The following TRAPPC9 variants were observed in gnomAD, a reference collection of about 807,000 sequenced individuals.
TRAPPC9 encodes IKK2 binding protein.
Under a neutral mutation model 124.0 loss-of-function variants are expected in TRAPPC9, and 83 were observed. The observed-to-expected ratio is 0.67, with a 90% CI of 0.56 to 0.80. The LOEUF is 0.80. Ranked by LOEUF, TRAPPC9 falls within the 30% of genes least tolerant of loss-of-function variation. TRAPPC9 has a pLI of 0.00. For synonymous variants in TRAPPC9, 638 were observed against 617.5 expected, an observed-to-expected ratio of 1.03 and a Z score of -0.49; for missense variants, 1,302 against 1,508.3, an observed-to-expected ratio of 0.86 and a Z score of 2.27.
intron 21 of TRAPPC9, among the ~76,000 whole-genome samples, chr8:139,794,825 A>G (rs1023097142): frequency 2.0e-5 from 3 of 152,210 alleles, no homozygotes; most frequent in South Asian, 2.1e-4. Flanking sequence ...GTCGCCTACC[A>G]TTCTGCACAA....
intron 14 of TRAPPC9, among the ~76,000 whole-genome samples, chr8:140,278,009 G>A (rs988846000): frequency 6.6e-6 from 1 of 152,204 alleles, no homozygotes; most frequent in Non-Finnish European, 1.5e-5. Flanking sequence ...AGCTTGGCAC[G>A]CCTGTGTCCC....
At chr8:140,268,657 T>C (rs2064771978) in intron 15 of TRAPPC9, among the ~76,000 whole-genome samples, 1 of 152,134 alleles carries the variant, frequency 6.6e-6, no homozygotes, top group Non-Finnish European at 1.5e-5. Flanking sequence ...GCCACCCACC[T>C]CTTCTGCTTT....
At chr8:140,423,686 A>ATACACATATATG (rs2070318159) in intron 5 of TRAPPC9, among the ~76,000 whole-genome samples, 1 of 151,932 alleles carries the variant, frequency 6.6e-6, no homozygotes, top group Non-Finnish European at 1.5e-5. Flanking sequence ...ACACATATAT[A>ATACACATATATG]CACATATACA....
intron 21 of TRAPPC9, among the ~76,000 whole-genome samples, chr8:139,784,385 C>T (rs1244685652): frequency 6.6e-6 from 1 of 151,778 alleles, no homozygotes; most frequent in Non-Finnish European, 1.5e-5. Flanking sequence ...ACCAGCCTGG[C>T]CAACATGGTG....
chr8:139,743,820 C>T (rs1818712555), intron 21 of TRAPPC9, among the ~76,000 whole-genome samples: 1 of 152,200 alleles, frequency 6.6e-6, no homozygotes, highest in Non-Finnish European at 1.5e-5. Flanking sequence ...TGAACTTTCT[C>T]TACTGCTAAT....
intron 19 of TRAPPC9, among the ~76,000 whole-genome samples, chr8:139,974,334 TTCC>T (rs1434151788): frequency 1.3e-5 from 2 of 152,134 alleles, no homozygotes; most frequent in East Asian, 3.9e-4. Context: ...AGGGCAGGAA[TTCC>T]TGGATGAGCC....
At chr8:139,780,699 G>C (rs1821751603) in intron 21 of TRAPPC9, among the ~76,000 whole-genome samples, 1 of 151,970 alleles carries the variant, frequency 6.6e-6, no homozygotes, top group African/African-American at 2.4e-5. Context: ...ACAATTTAAA[G>C]CTTCTGCTCT....
At chr8:140,207,130 T>G (rs1364481662) in intron 17 of TRAPPC9, among the ~76,000 whole-genome samples, 1 of 152,214 alleles carries the variant, frequency 6.6e-6, no homozygotes, top group African/African-American at 2.4e-5. Context: ...TTGGGTTCTG[T>G]GCAACCTCCT....
chr8:140,445,470 C>T (rs1294210430), intron 2 of TRAPPC9, among the ~76,000 whole-genome samples: 2 of 152,164 alleles, frequency 1.3e-5, no homozygotes, highest in South Asian at 2.1e-4. Flanking sequence ...CTCTGAAGGG[C>T]CTGCGGTCCA....
At chr8:139,761,873 CT>C (rs1411905423) in intron 21 of TRAPPC9, among the ~76,000 whole-genome samples, 3 of 151,682 alleles carry the variant, frequency 2.0e-5, no homozygotes, top group Non-Finnish European at 4.4e-5. Flanking sequence ...ACGTGTGCAT[CT>C]GCTTCTTCTG....
At chr8:139,935,133 C>A (rs142472305) in intron 19 of TRAPPC9, among the ~76,000 whole-genome samples, 1 of 152,240 alleles carries the variant, frequency 6.6e-6, no homozygotes, top group African/African-American at 2.4e-5. Context: ...CATCACCGTG[C>A]GAGAGAAGGT....
chr8:139,808,911 T>C (rs1427040658), intron 21 of TRAPPC9, among the ~76,000 whole-genome samples: 1 of 152,226 alleles, frequency 6.6e-6, no homozygotes, highest in East Asian at 1.9e-4. Flanking sequence ...GTTTTGCTTT[T>C]ATGACAAATG....
At chr8:140,368,669 G>C (rs965322371) in intron 8 of TRAPPC9, among the ~76,000 whole-genome samples, 2 of 152,154 alleles carry the variant, frequency 1.3e-5, no homozygotes, top group South Asian at 4.2e-4. Flanking sequence ...TCTCTTCCCT[G>C]AAGAGAAATA....
At chr8:139,790,062 C>T (rs1012985723) in intron 21 of TRAPPC9, among the ~76,000 whole-genome samples, 1 of 152,166 alleles carries the variant, frequency 6.6e-6, no homozygotes, top group African/African-American at 2.4e-5. Flanking sequence ...CGCTGCTGAG[C>T]GGGAACAGCA....
chr8:139,917,092 G>A (rs1159786316), intron 19 of TRAPPC9, among the ~76,000 whole-genome samples: 2 of 151,158 alleles, frequency 1.3e-5, no homozygotes, highest in Non-Finnish European at 2.9e-5. Context: ...CACGCCCTGA[G>A]AGAGGATCAT....
chr8:140,194,885 A>T (rs1463293515), intron 17 of TRAPPC9, among the ~76,000 whole-genome samples: 1 of 152,084 alleles, frequency 6.6e-6, no homozygotes, highest in Non-Finnish European at 1.5e-5. Context: ...CGCACCTGTG[A>T]CACTAAAACA....
At chr8:140,367,128 C>T (rs183693495) in intron 8 of TRAPPC9, among the ~76,000 whole-genome samples, 75 of 152,270 alleles carry the variant, frequency 4.9e-4, no homozygotes, top group Middle Eastern at 3.4e-3. Flanking sequence ...GAAGGGGATG[C>T]AAAATGGTTC....
At chr8:140,180,984 CA>C (rs1441014723) in intron 17 of TRAPPC9, among the ~76,000 whole-genome samples, 1 of 152,164 alleles carries the variant, frequency 6.6e-6, no homozygotes, top group East Asian at 1.9e-4. Flanking sequence ...CTCATGCATG[CA>C]TTTCTCAGGC....
At chr8:140,440,958 C>G (rs1276385361) in intron 2 of TRAPPC9, among the ~76,000 whole-genome samples, 2 of 143,172 alleles carry the variant, frequency 1.4e-5, no homozygotes, top group Non-Finnish European at 3.0e-5. Context: ...TGATGTGTTT[C>G]TAGAACACTG....
Sources: allele counts gnomAD v4.1 joint callset (sites outside exome capture counted in the v4.1 genomes callset), GRCh38; gene constraint gnomAD v4.1.1; transcripts MANE v1.5; gene names NCBI Gene and HGNC (gene_info 2026-07-23, HGNC 2026-07-21).